TBX18: variants seen among roughly 807,000 people sequenced by gnomAD.
TBX18 encodes the protein T-box transcription factor 18.
Under a neutral mutation model 55.0 loss-of-function variants are expected in TBX18, and 21 were observed. That is an observed-to-expected ratio of 0.38 (90% CI 0.27 to 0.55). The LOEUF (loss-of-function observed/expected upper bound fraction) is 0.55, where lower values mean the gene tolerates loss of function less well. Ranked by LOEUF, TBX18 falls within the 20% of genes least tolerant of loss-of-function variation. The pLI, the probability that TBX18 is intolerant of heterozygous loss-of-function variation, is 0.73. For missense variants in TBX18, 840 were observed against 799.6 expected (o/e 1.05, Z -0.61); for synonymous variants, 342 against 326.1 (o/e 1.05, Z -0.53).
At chr6:84,738,434 T>C (rs1027121103) in intron 7 of TBX18, 63 bp downstream of exon 7, 18 of 1,232,924 alleles carry the variant, frequency 1.5e-5, no homozygotes, top group Non-Finnish European at 2.0e-5. Flanking sequence ...TGTACACTTT[T>C]AGTGCCTGAG....
At chr6:84,746,941 A>G (rs1767212031) in intron 5 of TBX18, among the ~76,000 whole-genome samples, 1 of 151,856 alleles carries the variant, frequency 6.6e-6, no homozygotes, top group African/African-American at 2.4e-5. Flanking sequence ...CTTATAAAAG[A>G]GTGGCAACAT....
intron 3 of TBX18, among the ~76,000 whole-genome samples, chr6:84,757,243 A>C (rs1054985084): frequency 1.3e-5 from 2 of 152,224 alleles, no homozygotes; most frequent in African/African-American, 4.8e-5. Flanking sequence ...GTTCACCTTT[A>C]AGTAAATCTC....
chr6:84,744,348 A>G, intron 5 of TBX18, 23 bp from the exon 6 acceptor site: 2 of 1,596,434 alleles, frequency 1.3e-6, no homozygotes, highest in African/African-American at 1.3e-5. Flanking sequence ...AAAAAAAAAT[A>G]TCAAATCTTA....
Position 84,764,058 on chromosome 6 carries a change from C to T in TBX18, c.124G>A (p.Gly42Ser), listed in dbSNP as rs2127883667. The change falls in exon 1 of 8, where the codon GGC becomes AGC. Residue 42 changes from glycine (G) to serine (S), a missense_variant. Gly to Ser is a moderately conservative substitution (Grantham distance 56, BLOSUM62 0). Transcript: ENST00000369663. ...ACGGCCCCCGCCGCCTCTTCGGCGCCCAGTTTTCGCCGCTTCTTCTGAAGC... is the reference window on the plus strand; with the variant it reads ...ACGGCCCCCGCCGCCTCTTCGGCGCTCAGTTTTCGCCGCTTCTTCTGAAGC... The part of the protein sequence containing the change: ...QQLQKKRRKL[G>S]AEEAAGAVDD... 6.4e-7 allele frequency: 1 copy of T among 1,568,680 alleles called. No individual in the cohort carries two copies.
chr6:84,748,000 C>G lies in TBX18; in HGVS notation c.859G>C (p.Val287Leu). 4 of 1,613,522 alleles carry G rather than the reference C, an allele frequency of 2.5e-6. No homozygotes were observed. The highest frequency in any genetic ancestry group is 1.7e-4 in the Middle Eastern group (1 of 6,054). ...GCCTTTACTCCCTCCCCGGATGGAA[C>G]AGGCTTGATGGGAGAAAGATCGTCT... Reference protein sequence around the residue: ...CGDDLSPIKPVPSGEGVKAFS... With the variant: ...CGDDLSPIKPLPSGEGVKAFS... The change falls in exon 5 of 8, where the codon GTT (valine) becomes CTT (leucine). Residue 287 changes from valine (V) to leucine (L), a missense_variant. Val to Leu is a conservative substitution (Grantham distance 32). Coordinates refer to ENST00000369663, the MANE Select transcript of TBX18 (RefSeq NM_001080508.3).
chr6:84,740,883 G>C (rs139398496), intron 6 of TBX18, among the ~76,000 whole-genome samples: 17 of 152,308 alleles, frequency 1.1e-4, no homozygotes, highest in Admixed American at 5.2e-4. Context: ...CTACAGAGAT[G>C]TATCTTACTG....
chr6:84,753,649 C>T (rs914030054), intron 4 of TBX18, among the ~76,000 whole-genome samples: 2 of 152,156 alleles, frequency 1.3e-5, no homozygotes, highest in African/African-American at 4.8e-5. Flanking sequence ...TTAGAAAGTC[C>T]TACTATAACA....
intron 3 of TBX18, among the ~76,000 whole-genome samples, chr6:84,758,346 T>C (rs1211402406): frequency 1.3e-5 from 2 of 149,428 alleles, no homozygotes; most frequent in Non-Finnish European, 3.0e-5. Flanking sequence ...AGGCGGAGGT[T>C]CCAGTGAGCC....
At chr6:84,763,444 C>T (rs1319189797) in intron 1 of TBX18, 1 of 461,848 alleles carries the variant, frequency 2.2e-6, no homozygotes, top group African/African-American at 2.0e-5. Context: ...ACCAAGTTTC[C>T]AAATATGCCG....
At chr6:84,749,656 T>A (rs1767289793) in intron 4 of TBX18, among the ~76,000 whole-genome samples, 1 of 151,930 alleles carries the variant, frequency 6.6e-6, no homozygotes, top group South Asian at 2.1e-4. Flanking sequence ...AAATCTGCAA[T>A]CTCAGGAAAA....
At chr6:84,757,410 ATC>A (rs1183090414) in intron 3 of TBX18, among the ~76,000 whole-genome samples, 1 of 152,186 alleles carries the variant, frequency 6.6e-6, no homozygotes, top group Non-Finnish European at 1.5e-5. Flanking sequence ...AAAATGTTTT[ATC>A]TGTTATCATT....
chr6:84,761,048 T>A (rs1299909661), intron 2 of TBX18, among the ~76,000 whole-genome samples: 2 of 152,238 alleles, frequency 1.3e-5, no homozygotes, highest in Non-Finnish European at 2.9e-5. Flanking sequence ...GATGAAAATT[T>A]GCATTTATCC....
chr6:84,740,773 T>C (rs1055627095), intron 6 of TBX18, among the ~76,000 whole-genome samples: 1 of 152,252 alleles, frequency 6.6e-6, no homozygotes, highest in Admixed American at 6.5e-5. Flanking sequence ...ATGAGTTTAA[T>C]TGTAGTTTTA....
chr6:84,737,343 AGGTGAG>A lies in TBX18; in HGVS notation c.1160_1165del (p.Pro387_His388del). On this transcript the variant is annotated inframe_deletion, in exon 8 of 8. Transcript: ENST00000369663. ...AGAGGAGCAAGAGGAGCCAGACAAA[AGGTGAG>A]GGTGAGTGGCAGGAACGCCATTCCC... 1 of 1,576,470 alleles carries A rather than the reference AGGTGAG, an allele frequency of 6.3e-7. No individual in the cohort carries two copies. The highest frequency in any genetic ancestry group is 8.6e-7 in the Non-Finnish European group (1 of 1,162,580).
chr6:84,763,774 C>A (rs1423603064), intron 1 of TBX18, 116 bp downstream of exon 1: 27 of 1,418,476 alleles, frequency 1.9e-5, no homozygotes, highest in Middle Eastern at 2.4e-4. Context: ...GGCCAATGCG[C>A]TAGTGGCTGA....
In TBX18 at chr6:84,756,768, G is replaced by C. The variant is rs1469899157; in HGVS notation, c.701C>G (p.Thr234Ser). Residue 234 changes from threonine to serine, a missense_variant, in exon 4 of 8, where the codon ACT (threonine) becomes AGT (serine). Physicochemically the swap from Thr to Ser is moderately conservative, Grantham distance 58. Transcript: ENST00000369663. ...IHPDSPASGE[T>S]WMRQVISFDK... ...GAAGCTGATAACTTGTCTCATCCAA[G>C]TCTCCCCCGAGGCAGGCGAGTCTGG... is the stretch of plus-strand genomic sequence containing the variant. 1 of 1,614,146 alleles carries C rather than the reference G, an allele frequency of 6.2e-7. No homozygotes were observed.
chr6:84,741,830 C>G (rs550571209), intron 6 of TBX18: 1 of 152,192 alleles, frequency 6.6e-6, no homozygotes, highest in South Asian at 2.1e-4. Flanking sequence ...ACAACCGTGC[C>G]CTCCACCAAG....
Position 84,737,031 on chromosome 6 carries a change from G to A in TBX18, c.1478C>T (p.Ser493Phe). The change falls in exon 8 of 8, where the codon TCC becomes TTC. Residue 493 changes from serine to phenylalanine, a missense_variant. By Grantham distance (155) the Ser-to-Phe change is radical. Coordinates refer to ENST00000369663, the MANE Select transcript of TBX18 (RefSeq NM_001080508.3). ...TGGCATGATATACTGGAGCTGGGGG[G>A]ACATTCCCGAAATCTGCATGGATAA... ...TSLSMQISGM[S>F]PQLQYIMPSP... The A allele has an allele frequency of 1.5e-5, 24 of 1,614,056 alleles. No individual in the cohort carries two copies. The highest frequency in any genetic ancestry group is 1.6e-4 in the Middle Eastern group (1 of 6,062).
intron 4 of TBX18, among the ~76,000 whole-genome samples, chr6:84,755,407 C>CA (rs1208626918): frequency 2.0e-5 from 3 of 151,526 alleles, no homozygotes; most frequent in Non-Finnish European, 2.9e-5. Context: ...TGTTCTATTC[C>CA]AAAAAAAAGT....
Sources: allele counts gnomAD v4.1 joint callset (sites outside exome capture counted in the v4.1 genomes callset), GRCh38; gene constraint gnomAD v4.1.1; transcripts MANE v1.5; gene names NCBI Gene and HGNC (gene_info 2026-07-23, HGNC 2026-07-21).